Variants in ROR1 observed in about 807,000 individuals in gnomAD.
ROR1 encodes the protein ROR family WNT receptor 1, also known as inactive tyrosine-protein kinase transmembrane receptor ROR1.
Under a neutral mutation model 78.8 loss-of-function variants are expected in ROR1, and 19 were observed. That is an observed-to-expected ratio of 0.24 (90% CI 0.17 to 0.35). The LOEUF is 0.35. ROR1 is among the 10% of genes least tolerant of loss of function. The probability of loss-of-function intolerance (pLI) is 1.00; values close to 1 mark genes in which losing one functional copy is unlikely to be tolerated. For missense variants in ROR1, 917 were observed against 1,177.8 expected (o/e 0.78, Z 3.24); for synonymous variants, 386 against 433.6 (o/e 0.89, Z 1.36).
chr1:63,932,811 T>C lies in ROR1; in HGVS notation c.92-76494T>C, dbSNP rs529660385. On this transcript the variant is annotated intron_variant, in intron 1 of 8. Coordinates refer to ENST00000371079, the MANE Select transcript of ROR1 (RefSeq NM_005012.4). Reference sequence around the variant, plus strand: ...CTGTAGAGGAGAGGCAGTGTATGGGTATTCTCCCAGCTTGCTTGGTATTCA... The same window carrying C: ...CTGTAGAGGAGAGGCAGTGTATGGGCATTCTCCCAGCTTGCTTGGTATTCA... Among the ~76,000 whole-genome samples, 5 of 152,258 alleles carry C rather than the reference T, an allele frequency of 3.3e-5. No homozygotes were observed. The South Asian group carries it at 1.0e-3, about 32-fold the overall frequency.
chr1:64,091,837 A>C (rs1438885104), intron 4 of ROR1, among the ~76,000 whole-genome samples: 1 of 152,130 alleles, frequency 6.6e-6, no homozygotes, highest in Non-Finnish European at 1.5e-5. Context: ...TTTCTCAAAG[A>C]TCATTCACCT....
In ROR1 at chr1:63,774,647, C is replaced by T. The variant is rs1644602159; in HGVS notation, c.91+139C>T. 1 of 307,850 alleles carries T rather than the reference C, an allele frequency of 3.2e-6. No individual in the cohort carries two copies. Among genetic ancestry groups the T allele is most frequent in the Admixed American group, 6.3e-5 (1 of 15,856 alleles). 19.1% of individuals were successfully genotyped at this position (307,850 alleles called of 1,614,324 possible). ...GTCCGGCCACCCGCCACGGGGCTCG[C>T]CGGCGCCGCCAGGCCAGGGTTTGCC... On this transcript the variant is annotated intron_variant, in intron 1 of 8. Coordinates refer to ENST00000371079, the MANE Select transcript of ROR1 (RefSeq NM_005012.4). This position sits in a 1 kb window ranked among gnomAD's most constrained non-coding sequence, Gnocchi z 5.7.
Position 64,049,674 on chromosome 1 carries a change from C to G in ROR1, c.164-17C>G. 6.2e-7 allele frequency: 1 copy of G among 1,607,628 alleles called. No homozygotes were observed. The highest frequency in any genetic ancestry group is 1.3e-5 in the African/African-American group (1 of 74,932). On this transcript the variant is annotated splice_polypyrimidine_tract_variant and intron_variant, in intron 2 of 8. Transcript: ENST00000371079. ...AGCTGTCTGCCCCTCTCACCTGCCT[C>G]CTCTCTGTGCTCACAGATTCTTACC...
At chr1:64,052,611 G>A (rs1646841909) in intron 4 of ROR1, among the ~76,000 whole-genome samples, 1 of 152,274 alleles carries the variant, frequency 6.6e-6, no homozygotes. Context: ...GGGTATTGAA[G>A]TTCCTTAAAG....
intron 1 of ROR1, chr1:63,843,119 A>C: frequency 3.1e-6 from 2 of 646,550 alleles, no homozygotes; most frequent in Non-Finnish European, 5.6e-6. Context: ...TCTGGGAGGA[A>C]GGGGACGGCC....
At chr1:63,877,741 A>G (rs1177359056) in intron 1 of ROR1, among the ~76,000 whole-genome samples, 1 of 152,182 alleles carries the variant, frequency 6.6e-6, no homozygotes, top group African/African-American at 2.4e-5. Context: ...TTTATATTTT[A>G]ATTTTAAAGA....
chr1:64,165,074 T>C (rs572649364), intron 8 of ROR1, among the ~76,000 whole-genome samples: 1 of 152,362 alleles, frequency 6.6e-6, no homozygotes, highest in East Asian at 1.9e-4. Context: ...TATATGTGCA[T>C]GTGTCCTTAT....
intron 4 of ROR1, among the ~76,000 whole-genome samples, chr1:64,123,487 G>A (rs1449284931): frequency 2.6e-5 from 4 of 152,196 alleles, no homozygotes; most frequent in Admixed American, 6.5e-5. Flanking sequence ...TTAACTAGCT[G>A]TGTGATCTTG....
chr1:63,928,721 T>C (rs569859527), intron 1 of ROR1, among the ~76,000 whole-genome samples: 72 of 152,272 alleles, frequency 4.7e-4, no homozygotes, highest in Middle Eastern at 3.4e-3. Context: ...TTCTCATCTG[T>C]AAAATAAGGA....
chr1:63,779,403 C>T (rs748924608), intron 1 of ROR1, among the ~76,000 whole-genome samples: 7 of 152,086 alleles, frequency 4.6e-5, no homozygotes, highest in Non-Finnish European at 1.0e-4. Context: ...TTCAAGGCCT[C>T]TTTCTCAAAC....
chr1:63,802,376 T>A (rs1644802759), intron 1 of ROR1, among the ~76,000 whole-genome samples: 1 of 152,158 alleles, frequency 6.6e-6, no homozygotes, highest in Non-Finnish European at 1.5e-5. Context: ...ATGTGGAGGT[T>A]GGTTAAAAAA....
intron 4 of ROR1, among the ~76,000 whole-genome samples, chr1:64,086,047 A>G (rs1647150140): frequency 6.6e-6 from 1 of 152,178 alleles, no homozygotes; most frequent in Non-Finnish European, 1.5e-5. Flanking sequence ...GGGTGAATGC[A>G]GTCTTAAAAT....
At chr1:64,140,502 AC>A in intron 6 of ROR1, 76 bp downstream of exon 6, 1 of 1,358,332 alleles carries the variant, frequency 7.4e-7, no homozygotes, top group Non-Finnish European at 1.0e-6. Flanking sequence ...CTGGACCTTG[AC>A]CCATAGTGAT....
intron 2 of ROR1, among the ~76,000 whole-genome samples, chr1:64,042,748 A>G (rs1453393508): frequency 6.6e-6 from 1 of 152,158 alleles, no homozygotes; most frequent in East Asian, 1.9e-4. Flanking sequence ...GTGCAAGCTG[A>G]TTTAGATTAT....
intron 8 of ROR1, among the ~76,000 whole-genome samples, chr1:64,160,516 C>T (rs1405802514): frequency 6.6e-6 from 1 of 151,924 alleles, no homozygotes; most frequent in African/African-American, 2.4e-5. Flanking sequence ...CCATAGAGTT[C>T]ACACAGTAGC....
intron 2 of ROR1, among the ~76,000 whole-genome samples, chr1:64,038,401 G>A (rs935896390): frequency 9.2e-5 from 14 of 152,106 alleles, no homozygotes; most frequent in Admixed American, 8.5e-4. Context: ...TCAACACTCA[G>A]CATCTTGACC....
At position 64,170,239 on chromosome 1, in the gene ROR1, A is replaced by T. The variant is rs569006104; in HGVS notation, c.1387-7189A>T. On this transcript the variant is annotated intron_variant, in intron 8 of 8. Coordinates refer to ENST00000371079, the MANE Select transcript of ROR1 (RefSeq NM_005012.4). Reference sequence around the variant, plus strand: ...GCAGCAAACTTCTGCCTGGGCATCCAGGCATTTCCATACATCCTCTGAAAT... The same window carrying T: ...GCAGCAAACTTCTGCCTGGGCATCCTGGCATTTCCATACATCCTCTGAAAT... 2.0e-5 allele frequency among the ~76,000 whole-genome samples: 3 copies of T among 152,344 alleles called. No individual in the cohort carries two copies. The South Asian group carries it at 6.2e-4, about 32-fold the overall frequency.
At chr1:63,935,784 T>A (rs775003891) in intron 1 of ROR1, among the ~76,000 whole-genome samples, 4 of 152,218 alleles carry the variant, frequency 2.6e-5, no homozygotes, top group Non-Finnish European at 5.9e-5. Context: ...GTTGGTTAAC[T>A]TTGGTTAACC....
intron 1 of ROR1, among the ~76,000 whole-genome samples, chr1:63,849,092 T>C (rs779973303): frequency 8.5e-5 from 13 of 152,182 alleles, no homozygotes; most frequent in Non-Finnish European, 1.2e-4. Flanking sequence ...AGAAAAAACA[T>C]GGAATGTTAA....
Sources: gnomAD v4.1 joint callset for allele counts (sites outside exome capture counted in the v4.1 genomes callset) on GRCh38, gnomAD v4.1.1 for gene constraint, Gnocchi (gnomAD v3.1) non-coding constraint, MANE v1.5 for transcripts, NCBI Gene and HGNC (gene_info 2026-07-23, HGNC 2026-07-21) for gene names.